RAB5A: variants seen among roughly 807,000 people sequenced by gnomAD.
RAB5A encodes ras-related protein Rab-5A.
A neutral mutation model predicts 25.7 loss-of-function variants in RAB5A; 8 were observed. The ratio of observed to expected loss-of-function variants is 0.31; its 90% CI spans 0.18 to 0.56. The LOEUF is 0.56. Among genes scored for constraint, RAB5A ranks in the 20% least tolerant of loss-of-function variants. The pLI is 0.91. For missense variants in RAB5A, 192 were observed against 259.7 expected, an observed-to-expected ratio of 0.74 and a Z score of 1.79; for synonymous variants, 98 against 89.8, an observed-to-expected ratio of 1.09 and a Z score of -0.52.
At chr3:19,968,379 AT>A (rs1457064975) in intron 2 of RAB5A, among the ~76,000 whole-genome samples, 1 of 152,104 alleles carries the variant, frequency 6.6e-6, no homozygotes, top group East Asian at 1.9e-4. Context: ...TGCAATTCAA[AT>A]TTTTGAAAAC....
intron 2 of RAB5A, among the ~76,000 whole-genome samples, chr3:19,969,045 G>GTTTTTTTTTTTTTTTTTTT (rs386396075): frequency 1.1e-4 from 11 of 103,446 alleles, no homozygotes; most frequent in Non-Finnish European, 1.7e-4. Context: ...TTTTTTTTTG[G>GTTTTTTTTTTTTTTTTTTT]TTTTTTTTTT....
intron 2 of RAB5A, among the ~76,000 whole-genome samples, chr3:19,965,143 C>T (rs1349960781): frequency 6.6e-6 from 1 of 152,004 alleles, no homozygotes; most frequent in African/African-American, 2.4e-5. Flanking sequence ...GCTGGTCTCG[C>T]ACTCCTGACC....
Position 19,983,695 on chromosome 3 carries a change from C to T in RAB5A, c.533-13C>T. 1 of 1,511,372 alleles carries T rather than the reference C, an allele frequency of 6.6e-7. No homozygotes were observed. The allele number at this position is 1,511,372 out of a possible 1,614,324, so 93.6% of individuals were successfully genotyped here. A position where few individuals can be genotyped will look rare whatever the true frequency, so the allele number is the denominator to read the frequency against. On this transcript the variant is annotated splice_polypyrimidine_tract_variant and intron_variant, in intron 5 of 5. Coordinates refer to ENST00000273047, the MANE Select transcript of RAB5A (RefSeq NM_004162.5). ...TATTCAAATATTCTATTTATTTGAT[C>T]ATTTTCTTTCAGCTAAAAAATTGCC... is the stretch of plus-strand genomic sequence containing the variant.
intron 2 of RAB5A, among the ~76,000 whole-genome samples, chr3:19,965,548 T>TAA (rs141422440): frequency 6.6e-6 from 1 of 152,006 alleles, no homozygotes; most frequent in African/African-American, 2.4e-5. Flanking sequence ...GCTGTGATAG[T>TAA]AAAAAGCATT....
intron 2 of RAB5A, among the ~76,000 whole-genome samples, chr3:19,974,842 G>A (rs945185275): frequency 6.6e-6 from 1 of 152,204 alleles, no homozygotes; most frequent in African/African-American, 2.4e-5. Flanking sequence ...GGTGTCAGCA[G>A]TATAGATGGT....
At chr3:19,971,493 C>G (rs1033382975) in intron 2 of RAB5A, among the ~76,000 whole-genome samples, 1 of 151,810 alleles carries the variant, frequency 6.6e-6, no homozygotes, top group African/African-American at 2.4e-5. Flanking sequence ...TGTTTTGAGA[C>G]AGAGTTACAC....
chr3:19,956,688 A>G (rs181572834), intron 2 of RAB5A, among the ~76,000 whole-genome samples: 12 of 152,364 alleles, frequency 7.9e-5, no homozygotes, highest in Non-Finnish European at 1.5e-4. Flanking sequence ...TCTAAAGAAT[A>G]AACTATTGTG....
Position 19,964,969 on chromosome 3 carries a change from C to A in RAB5A, c.164-10632C>A, listed in dbSNP as rs564290887. ...TATTTGAGACGGAGTCTCGCTCTGT[C>A]CCCTAGGCTGGAATGCAGTGGTGTA... On this transcript the variant is annotated intron_variant, in intron 2 of 5. Transcript: ENST00000273047. Among the ~76,000 whole-genome samples, 15 of 152,304 alleles carry A rather than the reference C, an allele frequency of 9.8e-5. No homozygotes were observed. In the South Asian group the frequency reaches 1.9e-3, roughly 19 times the overall value.
At chr3:19,956,913 T>G (rs564259624) in intron 2 of RAB5A, among the ~76,000 whole-genome samples, 4 of 151,756 alleles carry the variant, frequency 2.6e-5, no homozygotes, top group African/African-American at 4.8e-5. Flanking sequence ...ATTTAGAAAA[T>G]TTGAAGATTT....
intron 2 of RAB5A, among the ~76,000 whole-genome samples, chr3:19,963,364 A>ACCCCC (rs201742105): frequency 1.6e-5 from 1 of 60,960 alleles, no homozygotes; most frequent in Non-Finnish European, 2.9e-5. Flanking sequence ...TTAGAATTTC[A>ACCCCC]CCCCCCCCCC....
chr3:19,956,013 G>A (rs1696496683), intron 2 of RAB5A, among the ~76,000 whole-genome samples: 1 of 152,152 alleles, frequency 6.6e-6, no homozygotes, highest in Admixed American at 6.5e-5. Flanking sequence ...TTAGCCACCT[G>A]CCAGACATCT....
chr3:19,979,625 T>C (rs555777477), intron 5 of RAB5A, among the ~76,000 whole-genome samples: 2 of 152,290 alleles, frequency 1.3e-5, no homozygotes, highest in African/African-American at 4.8e-5. Context: ...GTTTCAGTTA[T>C]AAGTAATGAA....
intron 2 of RAB5A, among the ~76,000 whole-genome samples, chr3:19,956,469 T>G (rs533533010): frequency 6.6e-6 from 1 of 152,294 alleles, no homozygotes; most frequent in Non-Finnish European, 1.5e-5. Context: ...AAAGGAAATT[T>G]AGTGCAATTA....
intron 2 of RAB5A, among the ~76,000 whole-genome samples, chr3:19,967,044 G>A (rs922572164): frequency 6.6e-6 from 1 of 152,116 alleles, no homozygotes; most frequent in African/African-American, 2.4e-5. Context: ...TATTGCCTTG[G>A]CCTTCCAAAG....
At chr3:19,975,789 A>G (rs757079512) in intron 3 of RAB5A, 37 bp downstream of exon 3, 8 of 1,561,000 alleles carry the variant, frequency 5.1e-6, no homozygotes, top group Non-Finnish European at 7.0e-6. Context: ...AACTAATTTG[A>G]GTACCCACTT....
chr3:19,954,063 G>A (rs1326342852), intron 2 of RAB5A, among the ~76,000 whole-genome samples: 1 of 152,138 alleles, frequency 6.6e-6, no homozygotes, highest in African/African-American at 2.4e-5. Context: ...GGCCCAGGTT[G>A]GAGTGCAGTG....
rs1696991451 is a variant in RAB5A, at chr3:19,984,327, ATAAAT to A, written c.*508_*512del. ...TTTAAAATGTACATTCCACATTTTAATAAATTAACCACAAGAAAATAATCCCACAT... is the reference window on the plus strand; with the variant it reads ...TTTAAAATGTACATTCCACATTTTAATAACCACAAGAAAATAATCCCACAT... On this transcript the variant is annotated 3_prime_UTR_variant, in exon 6 of 6. Transcript: ENST00000273047. 2.4e-6 allele frequency: 1 copy of A among 409,124 alleles called. No individual in the cohort carries two copies. The highest frequency in any genetic ancestry group is 2.1e-5 in the African/African-American group (1 of 46,640). 25.3% of individuals were successfully genotyped at this position (409,124 alleles called of 1,614,324 possible).
Position 19,976,136 on chromosome 3 carries a change from C to G in RAB5A, c.405C>G (p.Ala135=), listed in dbSNP as rs769506586. The change falls in exon 4 of 6, where the codon GCC becomes GCG. Residue 135 remains alanine, a synonymous_variant. Coordinates refer to ENST00000273047, the MANE Select transcript of RAB5A (RefSeq NM_004162.5). ...TAATAGCTTTATCGGGAAACAAGGC[C>G]GACCTAGCAAATAAAAGAGCAGTAG... ...NIVIALSGNK[A]DLANKRAVDF... is the part of the protein sequence containing the mutation. The G allele has an allele frequency of 6.2e-7, 1 of 1,610,692 alleles. No individual in the cohort carries two copies. Among genetic ancestry groups the G allele is most frequent in the Admixed American group, 1.7e-5 (1 of 59,394 alleles).
At chr3:19,971,692 C>T (rs767585181) in intron 2 of RAB5A, among the ~76,000 whole-genome samples, 3 of 152,128 alleles carry the variant, frequency 2.0e-5, no homozygotes, top group Non-Finnish European at 4.4e-5. Context: ...TCAGGCTGGT[C>T]TCAAACTCCT....
Sources: allele counts gnomAD v4.1 joint callset (sites outside exome capture counted in the v4.1 genomes callset), GRCh38; gene constraint gnomAD v4.1.1; transcripts MANE v1.5; gene names NCBI Gene and HGNC (gene_info 2026-07-23, HGNC 2026-07-21).